The following PCDH9 variants were observed in gnomAD, a reference collection of about 807,000 sequenced individuals.
The protein encoded by PCDH9 is protocadherin 9.
In PCDH9, 24 loss-of-function variants were observed where a neutral mutation model predicts 70.6. The ratio of observed to expected loss-of-function variants is 0.34; its 90% CI spans 0.25 to 0.48. The LOEUF is 0.48. Among genes scored for constraint, PCDH9 ranks in the 20% least tolerant of loss-of-function variants. The probability of loss-of-function intolerance (pLI) is 0.99; values close to 1 mark genes in which losing one functional copy is unlikely to be tolerated. For synonymous variants in PCDH9, 562 were observed against 558.5 expected (o/e 1.01, Z -0.09); for missense variants, 1,281 against 1,503.6 (o/e 0.85, Z 2.45).
intron 2 of PCDH9, among the ~76,000 whole-genome samples, chr13:67,171,857 C>T (rs1594609194): frequency 1.3e-5 from 2 of 152,170 alleles, no homozygotes; most frequent in South Asian, 4.1e-4. Flanking sequence ...GCAGAGCACA[C>T]TGTAAGCCCT....
At chr13:66,975,866 T>G (rs1410868687) in intron 2 of PCDH9, among the ~76,000 whole-genome samples, 2 of 151,984 alleles carry the variant, frequency 1.3e-5, no homozygotes, top group Non-Finnish European at 2.9e-5. Flanking sequence ...ATCATCCCCC[T>G]CCAAGAGGAA....
At chr13:66,526,527 CTCTCTGTCTCTG>C (rs937332820) in intron 4 of PCDH9, among the ~76,000 whole-genome samples, 10 of 151,266 alleles carry the variant, frequency 6.6e-5, no homozygotes, top group Non-Finnish European at 8.9e-5. Flanking sequence ...CTCTCTCTCT[CTCTCTGTCTCTG>C]TCTCTCTCTG....
At chr13:66,903,354 T>C (rs1289654721) in intron 3 of PCDH9, 150 bp downstream of exon 3, 1 of 357,512 alleles carries the variant, frequency 2.8e-6, no homozygotes, top group Non-Finnish European at 5.1e-6. Flanking sequence ...ATTATTTACT[T>C]AAAATTATTT....
intron 2 of PCDH9, among the ~76,000 whole-genome samples, chr13:66,982,994 T>C (rs564044814): frequency 1.3e-5 from 2 of 152,208 alleles, no homozygotes; most frequent in Non-Finnish European, 2.9e-5. Context: ...AGCTTCTTTA[T>C]GTTTGTCAAG....
At chr13:66,747,678 AAC>A (rs2079392588) in intron 3 of PCDH9, among the ~76,000 whole-genome samples, 1 of 152,180 alleles carries the variant, frequency 6.6e-6, no homozygotes, top group East Asian at 1.9e-4. Flanking sequence ...TAATCAAAAA[AAC>A]ATAATCAAAA....
intron 2 of PCDH9, among the ~76,000 whole-genome samples, chr13:66,934,878 GC>G (rs1381424533): frequency 1.4e-5 from 2 of 146,590 alleles, no homozygotes; most frequent in African/African-American, 5.0e-5. Context: ...CCGCTACCAC[GC>G]CCGGCTAATT....
At chr13:66,784,153 A>G (rs2139304648) in intron 3 of PCDH9, among the ~76,000 whole-genome samples, 1 of 152,276 alleles carries the variant, frequency 6.6e-6, no homozygotes, top group South Asian at 2.1e-4. Context: ...TCCCTCTTAC[A>G]AATAGTACTA....
chr13:66,511,423 T>C (rs9540776), intron 4 of PCDH9, among the ~76,000 whole-genome samples: 78,546 of 151,844 alleles, frequency 0.52, 21,635 homozygotes, highest in East Asian at 0.66. Flanking sequence ...CACACATACC[T>C]CATGGGATTG....
intron 3 of PCDH9, among the ~76,000 whole-genome samples, chr13:66,871,630 C>G (rs558172504): frequency 2.6e-5 from 4 of 152,124 alleles, no homozygotes; most frequent in African/African-American, 4.8e-5. Flanking sequence ...ATAAGATTAA[C>G]ATGTATTAAT....
intron 3 of PCDH9, among the ~76,000 whole-genome samples, chr13:66,653,695 C>T (rs1314460766): frequency 6.6e-6 from 1 of 151,964 alleles, no homozygotes. Context: ...TCGCCGGGCA[C>T]GGTGGCTCAT....
At chr13:66,510,310 A>G (rs1959403300) in intron 4 of PCDH9, among the ~76,000 whole-genome samples, 1 of 151,898 alleles carries the variant, frequency 6.6e-6, no homozygotes, top group South Asian at 2.1e-4. Context: ...TTTATAAAGC[A>G]CCCAAGTCTT....
At chr13:67,102,218 G>T (rs2086449402) in intron 2 of PCDH9, among the ~76,000 whole-genome samples, 1 of 152,082 alleles carries the variant, frequency 6.6e-6, no homozygotes, top group Admixed American at 6.6e-5. Flanking sequence ...TTAGACCTCA[G>T]ATCCCTTGAT....
intron 2 of PCDH9, among the ~76,000 whole-genome samples, chr13:66,967,500 T>C (rs1176806153): frequency 1.3e-5 from 2 of 152,078 alleles, no homozygotes; most frequent in African/African-American, 4.8e-5. Flanking sequence ...GAAAGTTCTT[T>C]AGGAGAGTGC....
chr13:66,438,018 G>A (rs1351715351), intron 4 of PCDH9, among the ~76,000 whole-genome samples: 1 of 152,090 alleles, frequency 6.6e-6, no homozygotes, highest in Admixed American at 6.6e-5. Context: ...TGGATCACCT[G>A]AGGTCAGGAG....
intron 4 of PCDH9, among the ~76,000 whole-genome samples, chr13:66,564,023 T>A (rs1347664693): frequency 6.6e-6 from 1 of 152,112 alleles, no homozygotes; most frequent in African/African-American, 2.4e-5. Context: ...GGCTAAAATA[T>A]GTTTGGTACA....
chr13:66,883,224 A>T (rs531102253), intron 3 of PCDH9, among the ~76,000 whole-genome samples: 1 of 152,296 alleles, frequency 6.6e-6, no homozygotes, highest in East Asian at 1.9e-4. Flanking sequence ...AATTATTTCT[A>T]GAGGTGAAAA....
At chr13:66,456,238 T>G (rs1353274664) in intron 4 of PCDH9, among the ~76,000 whole-genome samples, 1 of 152,076 alleles carries the variant, frequency 6.6e-6, no homozygotes. Context: ...CTGGATAAAT[T>G]TATAACTTGA....
At chr13:66,660,818 CCATTTTATTTTCTTTTTA>C (rs1328581093) in intron 3 of PCDH9, among the ~76,000 whole-genome samples, 1 of 150,808 alleles carries the variant, frequency 6.6e-6, no homozygotes, top group African/African-American at 2.4e-5. Context: ...ATAATCAATC[CCATTTTATTTTCTTTTTA>C]CATTTTATTT....
At chr13:66,945,554 T>G (rs150731180) in intron 2 of PCDH9, among the ~76,000 whole-genome samples, 2,282 of 152,330 alleles carry the variant, frequency 0.015, 50 homozygotes, top group African/African-American at 0.052. Context: ...TACATTTTAA[T>G]GGTTATTTTT....
Sources: allele counts gnomAD v4.1 joint callset (sites outside exome capture counted in the v4.1 genomes callset), GRCh38; gene constraint gnomAD v4.1.1; transcripts MANE v1.5; gene names NCBI Gene and HGNC (gene_info 2026-07-23, HGNC 2026-07-21).